The following FSTL5 variants were observed in gnomAD, a reference collection of about 807,000 sequenced individuals.
FSTL5 encodes the protein follistatin like 5.
A neutral mutation model predicts 89.1 loss-of-function variants in FSTL5; 62 were observed. That is an observed-to-expected ratio of 0.70 (90% confidence interval 0.57 to 0.86). The LOEUF (loss-of-function observed/expected upper bound fraction) is 0.86. Among genes scored for constraint, FSTL5 ranks in the 40% least tolerant of loss-of-function variants. The probability of loss-of-function intolerance (pLI) is 0.00; values close to 1 mark genes in which losing one functional copy is unlikely to be tolerated. For synonymous variants in FSTL5, 383 were observed against 346.2 expected (o/e 1.11, Z -1.18); for missense variants, 1,057 against 1,001.6 (o/e 1.06, Z -0.75).
intron 7 of FSTL5, among the ~76,000 whole-genome samples, chr4:161,620,834 A>G (rs781773847): frequency 2.6e-5 from 4 of 152,224 alleles, no homozygotes; most frequent in Non-Finnish European, 4.4e-5. Flanking sequence ...GAAAGATCTC[A>G]TGATTTAAAA....
At chr4:161,824,677 T>C (rs1730610829) in intron 4 of FSTL5, among the ~76,000 whole-genome samples, 1 of 152,160 alleles carries the variant, frequency 6.6e-6, no homozygotes, top group Non-Finnish European at 1.5e-5. Flanking sequence ...TATTCCTAAT[T>C]AGTTTGTGAT....
At position 161,384,790 on chromosome 4, in the gene FSTL5, T is replaced by C. The variant is rs758933120; in HGVS notation, c.*957A>G. On this transcript the variant is annotated 3_prime_UTR_variant, in exon 16 of 16. Coordinates refer to ENST00000306100, the MANE Select transcript of FSTL5 (RefSeq NM_020116.5). ...CTTTTCCTAGGTGTTAATTTCCCTA[T>C]ATATGGTTTACTTTAGCAGACAAAA... The C allele has an allele frequency of 6.6e-6, 1 of 152,174 alleles. No homozygotes were observed. The highest frequency in any genetic ancestry group is 1.5e-5 in the Non-Finnish European group (1 of 68,012). 9.4% of individuals were successfully genotyped at this position (152,174 alleles called of 1,614,324 possible).
intron 1 of FSTL5, among the ~76,000 whole-genome samples, chr4:162,113,792 G>T (rs1731535922): frequency 6.6e-6 from 1 of 152,044 alleles, no homozygotes; most frequent in South Asian, 2.1e-4. Context: ...TTTCTCTCAA[G>T]AATCCCTTCC....
At chr4:162,002,796 T>TA (rs112304592) in intron 3 of FSTL5, among the ~76,000 whole-genome samples, 33,687 of 151,512 alleles carry the variant, frequency 0.22, 3,974 homozygotes, top group East Asian at 0.42. Context: ...TTATTGTTGT[T>TA]TTTTTTTTCA....
chr4:161,572,128 G>A, intron 8 of FSTL5, among the ~76,000 whole-genome samples: 1 of 151,716 alleles, frequency 6.6e-6, no homozygotes, highest in Non-Finnish European at 1.5e-5. Context: ...AGACCAGCCT[G>A]GACAATATGG....
Position 162,011,722 on chromosome 4 carries a change from C to T in FSTL5, c.160+21903G>A, listed in dbSNP as rs926705362. Among the ~76,000 whole-genome samples the T allele has an allele frequency of 3.3e-5, 5 of 152,218 alleles. No individual in the cohort carries two copies. The East Asian group carries it at 7.8e-4, about 24-fold the overall frequency. On this transcript the variant is annotated intron_variant, in intron 3 of 15. Coordinates refer to ENST00000306100, the MANE Select transcript of FSTL5 (RefSeq NM_020116.5). ...ATGTTGGCCAGGCTGGTCTTGAACT[C>T]CTGACCGCAGGTGATCTGCCTGCCT...
At chr4:161,511,865 A>G (rs1159567494) in intron 10 of FSTL5, among the ~76,000 whole-genome samples, 1 of 152,076 alleles carries the variant, frequency 6.6e-6, no homozygotes, top group African/African-American at 2.4e-5. Context: ...CTGGAGGGAC[A>G]GCTTCATTGA....
At chr4:162,093,904 A>T (rs1043731649) in intron 2 of FSTL5, among the ~76,000 whole-genome samples, 14 of 152,168 alleles carry the variant, frequency 9.2e-5, no homozygotes, top group African/African-American at 2.9e-4. Flanking sequence ...GATTATAAGC[A>T]TTCAGTCATG....
intron 4 of FSTL5, among the ~76,000 whole-genome samples, chr4:161,895,182 C>G (rs1026477835): frequency 1.3e-5 from 2 of 152,164 alleles, no homozygotes; most frequent in African/African-American, 4.8e-5. Flanking sequence ...AACTTACTCT[C>G]GTGCCCCTTG....
intron 8 of FSTL5, among the ~76,000 whole-genome samples, chr4:161,563,227 T>G (rs147530026): frequency 1.3e-5 from 2 of 152,190 alleles, no homozygotes; most frequent in African/African-American, 4.8e-5. Flanking sequence ...CTTCCATATT[T>G]TAGCTATTGT....
chr4:161,520,576 G>A (rs1031750162), intron 10 of FSTL5, among the ~76,000 whole-genome samples: 4 of 152,122 alleles, frequency 2.6e-5, no homozygotes, highest in Non-Finnish European at 2.9e-5. Flanking sequence ...TTAAAGACAC[G>A]TAGGAGTAAA....
intron 2 of FSTL5, among the ~76,000 whole-genome samples, chr4:162,038,935 G>A (rs1410267113): frequency 6.6e-6 from 1 of 151,710 alleles, no homozygotes; most frequent in African/African-American, 2.4e-5. Context: ...CATACTATAA[G>A]CTTAAACTAT....
At chr4:162,152,407 G>C (rs1733259034) in intron 1 of FSTL5, among the ~76,000 whole-genome samples, 1 of 152,110 alleles carries the variant, frequency 6.6e-6, no homozygotes, top group Non-Finnish European at 1.5e-5. Context: ...ACTAACTCTT[G>C]ATATTCTGCC....
chr4:161,730,245 A>C (rs1199077370), intron 6 of FSTL5, among the ~76,000 whole-genome samples: 1 of 152,084 alleles, frequency 6.6e-6, no homozygotes, highest in African/African-American at 2.4e-5. Context: ...ATTGGTGAGC[A>C]TCTATTATTT....
At chr4:161,797,759 T>C (rs1322008202) in intron 4 of FSTL5, among the ~76,000 whole-genome samples, 1 of 151,670 alleles carries the variant, frequency 6.6e-6, no homozygotes, top group African/African-American at 2.4e-5. Context: ...GTCTATTTGA[T>C]GCTTCGTTAA....
At chr4:161,597,950 T>A (rs1417117337) in intron 7 of FSTL5, among the ~76,000 whole-genome samples, 1 of 152,158 alleles carries the variant, frequency 6.6e-6, no homozygotes, top group Non-Finnish European at 1.5e-5. Flanking sequence ...GAGAACATGA[T>A]AACAGTTTAT....
At chr4:161,557,870 G>C (rs902184404) in intron 8 of FSTL5, among the ~76,000 whole-genome samples, 5 of 151,706 alleles carry the variant, frequency 3.3e-5, no homozygotes, top group African/African-American at 1.2e-4. Flanking sequence ...TCTAACACGT[G>C]CATATGTGTT....
chr4:162,148,376 C>A (rs1309693215), intron 1 of FSTL5, among the ~76,000 whole-genome samples: 2 of 152,116 alleles, frequency 1.3e-5, no homozygotes, highest in Admixed American at 1.3e-4. Context: ...ATTGTGTCAT[C>A]CTAAATTCCT....
chr4:161,979,026 T>A (rs936641393), intron 3 of FSTL5, among the ~76,000 whole-genome samples: 1 of 152,152 alleles, frequency 6.6e-6, no homozygotes, highest in East Asian at 1.9e-4. Flanking sequence ...AATATCCCAA[T>A]GTCCAAAACA....
Sources: gnomAD v4.1 joint callset for allele counts (sites outside exome capture counted in the v4.1 genomes callset) on GRCh38, gnomAD v4.1.1 for gene constraint, MANE v1.5 for transcripts, NCBI Gene and HGNC (gene_info 2026-07-23, HGNC 2026-07-21) for gene names.